Variants in TOPAZ1 observed in about 807,000 individuals in gnomAD.
TOPAZ1 encodes testis and ovary specific TOPAZ 1.
TOPAZ1 carries 66 observed loss-of-function variants against 172.2 expected under a neutral mutation model. That is an observed-to-expected ratio of 0.38 (90% CI 0.31 to 0.47). The LOEUF (loss-of-function observed/expected upper bound fraction) is 0.47. Among genes scored for constraint, TOPAZ1 ranks in the 20% least tolerant of loss-of-function variants. The pLI is 0.99. For missense variants in TOPAZ1, 1,822 were observed against 1,972.4 expected (o/e 0.92, Z 1.44); for synonymous variants, 681 against 683.9 (o/e 1.00, Z 0.07).
chr3:44,302,030 G>GT (rs1700277601), intron 12 of TOPAZ1, among the ~76,000 whole-genome samples: 2 of 152,106 alleles, frequency 1.3e-5, no homozygotes, highest in South Asian at 2.1e-4. Flanking sequence ...TCTACGTGGA[G>GT]TTTTTTCTCT....
intron 6 of TOPAZ1, among the ~76,000 whole-genome samples, chr3:44,268,160 A>G (rs1428521638): frequency 2.0e-5 from 3 of 152,134 alleles, no homozygotes; most frequent in Non-Finnish European, 2.9e-5. Context: ...TTGGGCTGCC[A>G]TAATAAAATG....
At chr3:44,311,439 A>G (rs979463085) in intron 16 of TOPAZ1, among the ~76,000 whole-genome samples, 9 of 152,244 alleles carry the variant, frequency 5.9e-5, no homozygotes, top group African/African-American at 2.2e-4. Flanking sequence ...ACCTTACGAT[A>G]GGAACCTCCT....
At chr3:44,319,307 A>G (rs1284167515) in intron 16 of TOPAZ1, among the ~76,000 whole-genome samples, 1 of 152,152 alleles carries the variant, frequency 6.6e-6, no homozygotes, top group Non-Finnish European at 1.5e-5. Flanking sequence ...TTTTTTATAT[A>G]CCTAAACAGT....
Position 44,328,274 on chromosome 3 carries a change from C to G in TOPAZ1, c.4700C>G (p.Pro1567Arg). The G allele has an allele frequency of 6.6e-7, 1 of 1,506,148 alleles. No homozygotes were observed. Among genetic ancestry groups the G allele is most frequent in the Non-Finnish European group, 8.8e-7 (1 of 1,131,014 alleles). 93.3% of individuals were successfully genotyped at this position (1,506,148 alleles called of 1,614,324 possible). A position where few individuals can be genotyped will look rare whatever the true frequency, so the allele number is the denominator to read the frequency against. ...GGTGCTCTTTCCTTGGGTTGCTACCCACCATTGGAAGGAAATTTATACCGA... is the reference window on the plus strand; with the variant it reads ...GGTGCTCTTTCCTTGGGTTGCTACCGACCATTGGAAGGAAATTTATACCGA... ...YKSALSLGCYPPLEGNLYRKL... is the reference protein window; with the variant it reads ...YKSALSLGCYRPLEGNLYRKL... Residue 1567 changes from proline (P) to arginine (R), a missense_variant, in exon 19 of 20, where the codon CCA (proline) becomes CGA (arginine). By Grantham distance (103) the Pro-to-Arg change is moderately radical (BLOSUM62 -2). Transcript: ENST00000309765.
chr3:44,320,639 A>G (rs1461581439), intron 16 of TOPAZ1, among the ~76,000 whole-genome samples: 1 of 152,168 alleles, frequency 6.6e-6, no homozygotes, highest in African/African-American at 2.4e-5. Flanking sequence ...TTCCCCAGTA[A>G]TACCAAAAAC....
At chr3:44,294,570 T>A (rs1165111344) in intron 12 of TOPAZ1, among the ~76,000 whole-genome samples, 2 of 152,164 alleles carry the variant, frequency 1.3e-5, no homozygotes, top group East Asian at 3.8e-4. Context: ...TCATGGCTCA[T>A]GGCTCACTGC....
At position 44,243,756 on chromosome 3, in the gene TOPAZ1, A is replaced by T. The variant is rs183567766; in HGVS notation, c.1250A>T (p.Gln417Leu). 7 of 1,551,634 alleles carry T rather than the reference A, an allele frequency of 4.5e-6. No individual in the cohort carries two copies. The Admixed American group carries it at 1.4e-4, about 30-fold the overall frequency. The change falls in exon 2 of 20, where the codon CAG becomes CTG. Residue 417 changes from glutamine to leucine, a missense_variant. Physicochemically the swap from Gln to Leu is moderately radical, Grantham distance 113. Coordinates refer to ENST00000309765, the MANE Select transcript of TOPAZ1 (RefSeq NM_001145030.2). ...SSEHHVNAVFQKTIEPLLKEE... is the reference protein window; with the variant it reads ...SSEHHVNAVFLKTIEPLLKEE... ...GAACATCATGTAAATGCTGTGTTTC[A>T]GAAAACCATTGAACCACTTTTGAAA...
At chr3:44,258,548 T>C (rs1222834203) in intron 4 of TOPAZ1, among the ~76,000 whole-genome samples, 1 of 152,192 alleles carries the variant, frequency 6.6e-6, no homozygotes, top group Non-Finnish European at 1.5e-5. Context: ...ATAAATGGAA[T>C]CATACAGTAT....
intron 15 of TOPAZ1, 125 bp from the exon 16 acceptor site, chr3:44,309,700 A>T: frequency 1.5e-6 from 1 of 684,242 alleles, no homozygotes; most frequent in Non-Finnish European, 2.4e-6. Context: ...GTCTTGGAGC[A>T]GCTTAACAGC....
intron 9 of TOPAZ1, among the ~76,000 whole-genome samples, chr3:44,283,182 C>T (rs1700041535): frequency 6.6e-6 from 1 of 152,034 alleles, no homozygotes; most frequent in Non-Finnish European, 1.5e-5. Context: ...AAAATAAGCA[C>T]CTGTAGCATA....
At position 44,241,979 on chromosome 3, in the gene TOPAZ1, G is replaced by A. The variant is rs556640229; in HGVS notation, c.-75G>A. 3 of 1,381,148 alleles carry A rather than the reference G, an allele frequency of 2.2e-6. No individual in the cohort carries two copies. Among genetic ancestry groups the A allele is most frequent in the African/African-American group, 2.9e-5 (2 of 68,758 alleles). 85.6% of individuals were successfully genotyped at this position (1,381,148 alleles called of 1,614,324 possible). A position where few individuals can be genotyped will look rare whatever the true frequency, so the allele number is the denominator to read the frequency against. On this transcript the variant is annotated 5_prime_UTR_variant, in exon 1 of 20. Transcript: ENST00000309765. ...CAGAGGGCAGTAGGTACCTCCAGGC[G>A]GGAGCAGCGTTTGCACCGCGGTGGG...
intron 9 of TOPAZ1, among the ~76,000 whole-genome samples, chr3:44,285,480 T>A (rs180884696): frequency 5.6e-4 from 85 of 151,862 alleles, no homozygotes; most frequent in Middle Eastern, 3.4e-3. Flanking sequence ...AATAAATAAA[T>A]AAAATAAAAG....
intron 19 of TOPAZ1, among the ~76,000 whole-genome samples, chr3:44,329,124 T>C (rs575079424): frequency 6.6e-6 from 1 of 152,352 alleles, no homozygotes; most frequent in East Asian, 1.9e-4. Flanking sequence ...ATCCTCTGGT[T>C]GAATATTACA....
intron 19 of TOPAZ1, among the ~76,000 whole-genome samples, chr3:44,329,204 A>C (rs1298860490): frequency 6.6e-6 from 1 of 152,232 alleles, no homozygotes; most frequent in Non-Finnish European, 1.5e-5. Flanking sequence ...TAGTATCTTA[A>C]TATCTGTGGG....
In TOPAZ1 at chr3:44,321,010, T is replaced by A; in HGVS notation, c.4307-17T>A. 6.7e-7 allele frequency: 1 copy of A among 1,502,754 alleles called. No homozygotes were observed. The highest frequency in any genetic ancestry group is 1.3e-5 in the South Asian group (1 of 79,530). 93.1% of individuals were successfully genotyped at this position (1,502,754 alleles called of 1,614,324 possible). ...TTTTCATGGTATAAACTATTCATAT[T>A]TTTTTCTTTTTGGAAGAGTCAGAGT... On this transcript the variant is annotated splice_polypyrimidine_tract_variant and intron_variant, in intron 16 of 19. Transcript: ENST00000309765.
chr3:44,290,652 T>C, intron 11 of TOPAZ1, 119 bp from the exon 12 acceptor site: 1 of 622,320 alleles, frequency 1.6e-6, no homozygotes, highest in Middle Eastern at 2.6e-4. Flanking sequence ...ATGAGTTTTA[T>C]TCCACTTGTC....
intron 9 of TOPAZ1, 83 bp downstream of exon 9, chr3:44,282,114 G>A (rs1303232786): frequency 2.1e-6 from 2 of 937,764 alleles, no homozygotes; most frequent in Admixed American, 2.7e-5. Context: ...TAATTTGTAA[G>A]TTTGAAAACT....
intron 11 of TOPAZ1, among the ~76,000 whole-genome samples, chr3:44,288,980 C>G (rs1700107264): frequency 2.6e-5 from 4 of 152,160 alleles, no homozygotes; most frequent in Admixed American, 6.5e-5. Context: ...TTTTCCTCCT[C>G]TTTATTCTAG....
chr3:44,314,970 C>T lies in TOPAZ1; in HGVS notation c.4306+4980C>T, dbSNP rs572290136. Among the ~76,000 whole-genome samples the T allele has an allele frequency of 6.6e-5, 10 of 152,308 alleles. No homozygotes were observed. In the East Asian group the frequency reaches 1.7e-3, roughly 26 times the overall value. ...GTTCCTAAACCATACCCCCTCAAGT[C>T]GCTCCCCCACTGCGTTCTTTAACCA... is the stretch of plus-strand genomic sequence containing the variant. On this transcript the variant is annotated intron_variant, in intron 16 of 19. Coordinates refer to ENST00000309765, the MANE Select transcript of TOPAZ1 (RefSeq NM_001145030.2).
Sources: gnomAD v4.1 joint callset for allele counts (sites outside exome capture counted in the v4.1 genomes callset) on GRCh38, gnomAD v4.1.1 for gene constraint, MANE v1.5 for transcripts, NCBI Gene and HGNC (gene_info 2026-07-23, HGNC 2026-07-21) for gene names.